Variants in XPR1 observed in about 807,000 individuals in gnomAD.
XPR1 encodes solute carrier family 53 member 1.
XPR1 carries 28 observed loss-of-function variants against 87.5 expected under a neutral mutation model. The ratio of observed to expected loss-of-function variants is 0.32; its 90% CI spans 0.24 to 0.44. The LOEUF is 0.44. Ranked by LOEUF, XPR1 falls within the 20% of genes least tolerant of loss-of-function variation. The pLI, the probability that XPR1 is intolerant of heterozygous loss-of-function variation, is 1.00. For synonymous variants in XPR1, 300 were observed against 306.1 expected (o/e 0.98, Z 0.21); for missense variants, 559 against 862.3 (o/e 0.65, Z 4.41).
In XPR1 at chr1:180,885,504, A is replaced by C. The variant is rs1024717199; in HGVS notation, c.*1438A>C. The stretch of plus-strand genomic sequence containing the variant: ...CTTCCCTTTGTTCCTTAGTCATCCA[A>C]ATAAGCCTGAAAACCATAAGAGATA... On this transcript the variant is annotated 3_prime_UTR_variant, in exon 15 of 15. Transcript: ENST00000367590. The C allele has an allele frequency of 2.6e-5, 4 of 152,176 alleles. No homozygotes were observed. Among genetic ancestry groups the C allele is most frequent in the Non-Finnish European group, 4.4e-5 (3 of 68,032 alleles). 9.4% of individuals were successfully genotyped at this position (152,176 alleles called of 1,614,324 possible).
chr1:180,728,296 C>T (rs1658426816), intron 2 of XPR1, among the ~76,000 whole-genome samples: 1 of 72,550 alleles, frequency 1.4e-5, no homozygotes, highest in Non-Finnish European at 2.8e-5. Flanking sequence ...TTGTTTATAA[C>T]TGGGGGGGGG....
At chr1:180,842,579 A>AGG (rs1245102339) in intron 11 of XPR1, among the ~76,000 whole-genome samples, 1 of 152,196 alleles carries the variant, frequency 6.6e-6, no homozygotes, top group Admixed American at 6.5e-5. Context: ...TTACATGGCT[A>AGG]AATTTGAAGG....
At chr1:180,875,499 A>G (rs1478278568) in intron 13 of XPR1, among the ~76,000 whole-genome samples, 1 of 143,748 alleles carries the variant, frequency 7.0e-6, no homozygotes, top group Non-Finnish European at 1.5e-5. Context: ...ACAGAGCAAG[A>G]CTCCGTCTCA....
At chr1:180,657,702 A>G (rs1047445343) in intron 1 of XPR1, among the ~76,000 whole-genome samples, 1 of 152,174 alleles carries the variant, frequency 6.6e-6, no homozygotes, top group African/African-American at 2.4e-5. Context: ...GCTCTGTAGT[A>G]TAATTTGAAG....
intron 1 of XPR1, among the ~76,000 whole-genome samples, chr1:180,652,166 C>T (rs775964351): frequency 2.8e-4 from 42 of 152,240 alleles, no homozygotes; most frequent in Admixed American, 2.1e-3. Flanking sequence ...GTGGCGGTCA[C>T]CTGTAATCCT....
At chr1:180,689,390 T>A (rs191722001) in intron 2 of XPR1, among the ~76,000 whole-genome samples, 1 of 152,224 alleles carries the variant, frequency 6.6e-6, no homozygotes, top group Non-Finnish European at 1.5e-5. Flanking sequence ...AAGAATTTTT[T>A]AAAACATTAC....
chr1:180,757,035 A>G (rs1356919351), intron 2 of XPR1, among the ~76,000 whole-genome samples: 3 of 152,222 alleles, frequency 2.0e-5, no homozygotes, highest in Non-Finnish European at 4.4e-5. Context: ...CATCAGTACT[A>G]TGCTATCATG....
intron 11 of XPR1, among the ~76,000 whole-genome samples, chr1:180,846,871 AT>A (rs1360692219): frequency 9.2e-5 from 14 of 151,992 alleles, no homozygotes; most frequent in Middle Eastern, 3.4e-3. Flanking sequence ...AAAAAAAAAA[AT>A]GATGCCACTT....
chr1:180,695,519 C>T (rs1465505791), intron 2 of XPR1, among the ~76,000 whole-genome samples: 1 of 151,992 alleles, frequency 6.6e-6, no homozygotes, highest in Non-Finnish European at 1.5e-5. Flanking sequence ...GACCAATGTT[C>T]TGAAACATAT....
intron 2 of XPR1, among the ~76,000 whole-genome samples, chr1:180,764,197 T>C (rs1213258609): frequency 6.6e-6 from 1 of 152,212 alleles, no homozygotes; most frequent in East Asian, 1.9e-4. Flanking sequence ...TTGTTCAGTG[T>C]ACACAAGCTG....
intron 2 of XPR1, among the ~76,000 whole-genome samples, chr1:180,727,317 A>G (rs1031114540): frequency 5.9e-5 from 9 of 152,144 alleles, no homozygotes; most frequent in Non-Finnish European, 1.0e-4. Flanking sequence ...TGCGCAAGAA[A>G]GAATGTGAGG....
intron 2 of XPR1, among the ~76,000 whole-genome samples, chr1:180,747,187 A>G (rs1647289251): frequency 6.6e-6 from 1 of 152,196 alleles, no homozygotes; most frequent in Admixed American, 6.5e-5. Context: ...CATTGACTGA[A>G]TCCTAAAACT....
intron 2 of XPR1, among the ~76,000 whole-genome samples, chr1:180,760,960 C>T (rs1430283508): frequency 1.3e-5 from 2 of 152,142 alleles, no homozygotes; most frequent in South Asian, 2.1e-4. Flanking sequence ...GAAATAATGC[C>T]GCATATCTAC....
At chr1:180,657,480 TG>T (rs1655575181) in intron 1 of XPR1, among the ~76,000 whole-genome samples, 1 of 152,150 alleles carries the variant, frequency 6.6e-6, no homozygotes, top group Admixed American at 6.5e-5. Context: ...TGGTGAGAGA[TG>T]GGGTCTAGTT....
chr1:180,792,413 A>G (rs1265037452), intron 3 of XPR1, among the ~76,000 whole-genome samples: 2 of 152,142 alleles, frequency 1.3e-5, no homozygotes, highest in Non-Finnish European at 2.9e-5. Context: ...TGCCGATGCT[A>G]TTTACTGTTT....
chr1:180,857,131 A>G (rs1426754199), intron 11 of XPR1, among the ~76,000 whole-genome samples: 1 of 152,242 alleles, frequency 6.6e-6, no homozygotes, highest in African/African-American at 2.4e-5. Flanking sequence ...TATGGTTACT[A>G]GAAATTTTAT....
intron 1 of XPR1, among the ~76,000 whole-genome samples, chr1:180,645,458 G>A (rs888553805): frequency 6.6e-6 from 1 of 152,206 alleles, no homozygotes; most frequent in Admixed American, 6.5e-5. Flanking sequence ...GATCACAGTT[G>A]TCCATCTCTC....
At chr1:180,719,436 A>T (rs73034852) in intron 2 of XPR1, among the ~76,000 whole-genome samples, 6,105 of 152,298 alleles carry the variant, frequency 0.04, 432 homozygotes, top group African/African-American at 0.14. Context: ...TTGTTGAAGC[A>T]GAGCATTGGA....
chr1:180,843,299 A>G (rs901170847), intron 11 of XPR1, among the ~76,000 whole-genome samples: 1 of 152,064 alleles, frequency 6.6e-6, no homozygotes, highest in African/African-American at 2.4e-5. Flanking sequence ...AAAAAAAGAT[A>G]TACACACATT....
Sources: allele counts gnomAD v4.1 joint callset (sites outside exome capture counted in the v4.1 genomes callset), GRCh38; gene constraint gnomAD v4.1.1; transcripts MANE v1.5; gene names NCBI Gene and HGNC (gene_info 2026-07-23, HGNC 2026-07-21).